CDH24: variants seen among roughly 807,000 people sequenced by gnomAD.
CDH24 encodes the protein cadherin 24, also known as cadherin-24.
CDH24 carries 61 observed loss-of-function variants against 71.2 expected under a neutral mutation model. The observed-to-expected ratio is 0.86, with a 90% CI of 0.70 to 1.06. CDH24 has a LOEUF of 1.06. Ranked by LOEUF, CDH24 falls within the 50% of genes least tolerant of loss-of-function variation. CDH24 has a pLI of 0.00. For missense variants in CDH24, 961 were observed against 1,083.7 expected (o/e 0.89, Z 1.59); for synonymous variants, 440 against 470.2 (o/e 0.94, Z 0.83).
chr14:23,048,072 C>T lies in CDH24; in HGVS notation c.2254G>A (p.Ala752Thr). The T allele has an allele frequency of 1.4e-6, 2 of 1,422,832 alleles. No homozygotes were observed. The highest frequency in any genetic ancestry group is 1.8e-6 in the Non-Finnish European group (2 of 1,094,014). The allele number at this position is 1,422,832 out of a possible 1,614,324, so 88.1% of individuals were successfully genotyped here. A position where few individuals can be genotyped will look rare whatever the true frequency, so the allele number is the denominator to read the frequency against. ...TCCAGCGGCTCCGCGGGGCCGGGGG[C>T]GCCGCCGGCTTCGCTGCCGGAGCCC... ...SLGSGSEAGGAPGPAEPLDDW... is the reference protein window; with the variant it reads ...SLGSGSEAGGTPGPAEPLDDW... The change falls in exon 12 of 13, where the codon GCC becomes ACC. Residue 752 changes from alanine (A) to threonine (T), a missense_variant. By Grantham distance (58) the Ala-to-Thr change is moderately conservative. Transcript: ENST00000487137.
chr14:23,053,749 G>T lies in CDH24; in HGVS notation c.973C>A (p.Pro325Thr), dbSNP rs755377837. ...GRDGLLTVRKPLDFESQRSYS... is the reference protein window; with the variant it reads ...GRDGLLTVRKTLDFESQRSYS... ...GAGCGCTGGCTCTCAAAGTCTAGGG[G>T]CTATGGTGAGGGGAGAGGGAGAAAA... is the stretch of plus-strand genomic sequence containing the variant. Residue 325 changes from proline (P) to threonine (T), a missense_variant and splice_region_variant, in exon 7 of 13, where the codon CCC becomes ACC. Physicochemically the swap from Pro to Thr is conservative, Grantham distance 38. Around this residue, in one of 2 missense-constraint regions of CDH24, gnomAD observed 671 missense variants for 810.9 expected, o/e 0.83. Coordinates refer to ENST00000487137, the MANE Select transcript of CDH24 (RefSeq NM_144985.4). 1 of 1,595,440 alleles carries T rather than the reference G, an allele frequency of 6.3e-7. No individual in the cohort carries two copies.
At position 23,055,218 on chromosome 14, in the gene CDH24, C is replaced by T; in HGVS notation, c.337G>A (p.Ala113Thr). Residue 113 changes from alanine (A) to threonine (T), a missense_variant, in exon 3 of 13, where the codon GCG (alanine) becomes ACG (threonine). Ala to Thr is a moderately conservative substitution (Grantham distance 58). Transcript: ENST00000487137. The surrounding 1 kb of genome is among the most constrained non-coding windows in gnomAD (Gnocchi z 4.1). The part of the protein sequence containing the change: ...VTKSLDREEK[A>T]QYVLLAQAVD... ...GCTTGGGCCAGTAGCACATATTGCG[C>T]CTTTTCCTCCCGGTCAAGGCTCTTG... is the stretch of plus-strand genomic sequence containing the variant. 8 of 1,614,190 alleles carry T rather than the reference C, an allele frequency of 5.0e-6. No homozygotes were observed. The highest frequency in any genetic ancestry group is 6.8e-6 in the Non-Finnish European group (8 of 1,180,030).
rs374252336 is a variant in CDH24, at chr14:23,049,127, G to A, written c.1746C>T (p.Asp582=). The change falls in exon 11 of 13, where the codon GAC becomes GAT. Residue 582 remains aspartate (D), a synonymous_variant. Coordinates refer to ENST00000487137, the MANE Select transcript of CDH24 (RefSeq NM_144985.4). The part of the protein sequence containing the change: ...VTVSVCRCQP[D]GSVASCWPEA... ...CAGGCCAGCAGGATGCCACAGAGCCGTCAGGCTGGCAGCGGCACACACTAA... is the reference window on the plus strand; with the variant it reads ...CAGGCCAGCAGGATGCCACAGAGCCATCAGGCTGGCAGCGGCACACACTAA... 5.7e-5 allele frequency: 91 copies of A among 1,605,596 alleles called. No individual in the cohort carries two copies. Among genetic ancestry groups the A allele is most frequent in the Non-Finnish European group, 6.5e-5 (76 of 1,176,244 alleles).
chr14:23,056,272 C>T (rs2047129284), intron 1 of CDH24, among the ~76,000 whole-genome samples: 1 of 152,184 alleles, frequency 6.6e-6, no homozygotes, highest in African/African-American at 2.4e-5. Flanking sequence ...CATGAGATGA[C>T]AAGGAGTGCA....
At position 23,051,075 on chromosome 14, in the gene CDH24, A is replaced by G. The variant is rs2047082334; in HGVS notation, c.1364-1132T>C. 6.6e-6 allele frequency among the ~76,000 whole-genome samples: 1 copy of G among 152,306 alleles called. No homozygotes were observed. The highest frequency in any genetic ancestry group is 2.1e-4 in the South Asian group (1 of 4,828). On this transcript the variant is annotated intron_variant, in intron 8 of 12. Transcript: ENST00000487137. This position sits in a 1 kb window ranked among gnomAD's most constrained non-coding sequence, Gnocchi z 4.4. ...TATGTATATATAAGCAGCCAAAAAC[A>G]TACTGTGTGTACACGGACACACACG...
At chr14:23,052,722 G>C (rs2047094527) in intron 7 of CDH24, 113 bp from the exon 8 acceptor site, 4 of 1,088,778 alleles carry the variant, frequency 3.7e-6, no homozygotes, top group Non-Finnish European at 5.4e-6. Context: ...GACTCCTCTG[G>C]GTAGAGCCAT....
rs958826620 is a variant in CDH24 at position 23,054,023 on chromosome 14, G to T, written c.972+118C>A. ...ATCTGAAGGATGAGGAGGTGACCAT[G>T]ATCTCTAAGCTCCAACAGAGAGATC... On this transcript the variant is annotated intron_variant, in intron 6 of 12. Transcript: ENST00000487137. This position sits in a 1 kb window ranked among gnomAD's most constrained non-coding sequence, Gnocchi z 5.2. 3 of 1,143,358 alleles carry T rather than the reference G, an allele frequency of 2.6e-6. No homozygotes were observed. Among genetic ancestry groups the T allele is most frequent in the African/African-American group, 3.1e-5 (2 of 64,662 alleles). 70.8% of individuals were successfully genotyped at this position (1,143,358 alleles called of 1,614,324 possible).
chr14:23,056,032 C>T (rs2047127440), intron 1 of CDH24, among the ~76,000 whole-genome samples, 175 bp from the exon 2 acceptor site: 1 of 152,204 alleles, frequency 6.6e-6, no homozygotes, highest in African/African-American at 2.4e-5. Flanking sequence ...CATGTATTCA[C>T]CTCCAGCCCT....
In CDH24 at chr14:23,054,630, C is replaced by T; in HGVS notation, c.660G>A (p.Gln220=). The change falls in exon 5 of 13, where the codon CAG becomes CAA. Residue 220 remains glutamine (Q), a synonymous_variant. Coordinates refer to ENST00000487137, the MANE Select transcript of CDH24 (RefSeq NM_144985.4). This position sits in a 1 kb window ranked among gnomAD's most constrained non-coding sequence, Gnocchi z 5.2. ...TAIPNMDRET[Q]EEFLVVIQAK... Reference sequence around the variant, plus strand: ...CCTGGATCACCACCAAGAACTCCTCCTGTGTCTCCCGGTCCATGTTGGGGA... The same window carrying T: ...CCTGGATCACCACCAAGAACTCCTCTTGTGTCTCCCGGTCCATGTTGGGGA... 6.2e-7 allele frequency: 1 copy of T among 1,614,130 alleles called. No individual in the cohort carries two copies. The highest frequency in any genetic ancestry group is 8.5e-7 in the Non-Finnish European group (1 of 1,180,000).
Position 23,049,946 on chromosome 14 carries a change from G to A in CDH24, c.1364-3C>T, listed in dbSNP as rs1428254352. The stretch of plus-strand genomic sequence containing the variant: ...GCGCGAGGCCTGTGCAGAACTGTCT[G>A]AAGGCAGAACACCAAAACATACACG... On this transcript the variant is annotated splice_region_variant and splice_polypyrimidine_tract_variant and intron_variant, in intron 8 of 12. Coordinates refer to ENST00000487137, the MANE Select transcript of CDH24 (RefSeq NM_144985.4). 2 of 1,611,406 alleles carry A rather than the reference G, an allele frequency of 1.2e-6. No homozygotes were observed. The highest frequency in any genetic ancestry group is 2.2e-5 in the East Asian group (1 of 44,818).
rs536838609 is a variant in CDH24, at chr14:23,051,194, G to A, written c.1364-1251C>T. Among the ~76,000 whole-genome samples the A allele has an allele frequency of 2.6e-5, 4 of 152,298 alleles. No individual in the cohort carries two copies. Among genetic ancestry groups the A allele is most frequent in the East Asian group, 1.9e-4 (1 of 5,188 alleles). The stretch of plus-strand genomic sequence containing the variant: ...TACTATGCACACAGTTGCATGTATA[G>A]AAACATAAACCTAGACACATAGCAT... On this transcript the variant is annotated intron_variant, in intron 8 of 12. Transcript: ENST00000487137. This position sits in a 1 kb window ranked among gnomAD's most constrained non-coding sequence, Gnocchi z 4.4.
chr14:23,055,713 G>A lies in CDH24; in HGVS notation c.21C>T (p.Leu7=), dbSNP rs1201779381. The A allele has an allele frequency of 1.3e-6, 2 of 1,592,804 alleles. No individual in the cohort carries two copies. Among genetic ancestry groups the A allele is most frequent in the Non-Finnish European group, 1.7e-6 (2 of 1,173,746 alleles). Residue 7 remains leucine (L), a synonymous_variant, in exon 2 of 13, where the codon CTC becomes CTT. Coordinates refer to ENST00000487137, the MANE Select transcript of CDH24 (RefSeq NM_144985.4). The surrounding 1 kb of genome is among the most constrained non-coding windows in gnomAD (Gnocchi z 4.1). MWGLVR[L]LLAWLGGWGC... ...CCCAGCCACCCAGCCAGGCCAGCAG[G>A]AGCCTCACCAGGCCCCACATGTTTG...
rs1172667116 is a variant in CDH24, at chr14:23,050,036, G to A, written c.1364-93C>T. 3 of 1,512,258 alleles carry A rather than the reference G, an allele frequency of 2.0e-6. No homozygotes were observed. In the South Asian group the frequency reaches 3.7e-5, roughly 19 times the overall value. 93.7% of individuals were successfully genotyped at this position (1,512,258 alleles called of 1,614,324 possible). A position where few individuals can be genotyped will look rare whatever the true frequency, so the allele number is the denominator to read the frequency against. Reference sequence around the variant, plus strand: ...TGCATGGGCATGGATGCCACATGAAGCATATAGCATGCACAAGAAACACAT... The same window carrying A: ...TGCATGGGCATGGATGCCACATGAAACATATAGCATGCACAAGAAACACAT... On this transcript the variant is annotated intron_variant, in intron 8 of 12. Transcript: ENST00000487137.
chr14:23,048,530 G>A (rs763571639), intron 11 of CDH24, 51 bp from the exon 12 acceptor site: 54 of 1,584,150 alleles, frequency 3.4e-5, no homozygotes, highest in Admixed American at 5.2e-5. Flanking sequence ...CCGGGAGCGG[G>A]CGGCCTGTCT....
rs533579709 is a variant in CDH24 at position 23,047,987 on chromosome 14, G to A, written c.2339C>T (p.Ala780Val). 8 of 1,362,710 alleles carry A rather than the reference G, an allele frequency of 5.9e-6. No individual in the cohort carries two copies. The East Asian group carries it at 2.2e-4, about 38-fold the overall frequency. 84.4% of individuals were successfully genotyped at this position (1,362,710 alleles called of 1,614,324 possible). A position where few individuals can be genotyped will look rare whatever the true frequency, so the allele number is the denominator to read the frequency against. Residue 780 changes from alanine (A) to valine (V), a missense_variant, in exon 12 of 13, where the codon GCC becomes GTC. By Grantham distance (64) the Ala-to-Val change is moderately conservative. This residue lies in a region of CDH24 where 290 missense variants were observed against 272.8 expected (regional missense o/e 1.06). Coordinates refer to ENST00000487137, the MANE Select transcript of CDH24 (RefSeq NM_144985.4). ...AELYGAKEPPAP is the reference protein window; with the variant it reads ...AELYGAKEPPVP ...CCGGGCCAGCCCGGGCGCTCAGGGG[G>A]CCGGGGGCTCCTTGGCCCCATACAG...
chr14:23,056,326 G>C (rs1056474072), intron 1 of CDH24, among the ~76,000 whole-genome samples: 3 of 152,198 alleles, frequency 2.0e-5, no homozygotes, highest in African/African-American at 7.2e-5. Flanking sequence ...CTCCCCACAA[G>C]GGGGAGCCCC....
chr14:23,055,654 G>GC lies in CDH24; in HGVS notation c.79dup (p.Ala27GlyfsTer29). 4.3e-6 allele frequency: 7 copies of GC among 1,610,144 alleles called. No homozygotes were observed. The highest frequency in any genetic ancestry group is 5.9e-6 in the Non-Finnish European group (7 of 1,178,668). ...TGGGTGTTCCCGGGACCCTGCCCAG[G>GC]CCCGGGCTGGGGCTGCCAGACGCCC... On this transcript the variant is annotated frameshift_variant, in exon 2 of 13. Transcript: ENST00000487137. LOFTEE classifies it high-confidence loss of function. This position sits in a 1 kb window ranked among gnomAD's most constrained non-coding sequence, Gnocchi z 4.1.
chr14:23,052,293 C>A, intron 8 of CDH24, 180 bp downstream of exon 8: 1 of 796,178 alleles, frequency 1.3e-6, no homozygotes. Flanking sequence ...AGGATCCAGG[C>A]TAGGACCCAG....
At chr14:23,056,966 AGG>A (rs2047139105) in intron 1 of CDH24, among the ~76,000 whole-genome samples, 4 of 93,282 alleles carry the variant, frequency 4.3e-5, no homozygotes, top group Non-Finnish European at 9.4e-5. Context: ...ACCAGAGAGA[AGG>A]CGGGATGAGG....
Sources: gnomAD v4.1 joint callset for allele counts (sites outside exome capture counted in the v4.1 genomes callset) on GRCh38, gnomAD v4.1.1 for gene constraint, gnomAD v4.1.1 regional missense constraint, Gnocchi (gnomAD v3.1) non-coding constraint, MANE v1.5 for transcripts, NCBI Gene and HGNC (gene_info 2026-07-23, HGNC 2026-07-21) for gene names.